Variants in KDM7A observed in about 807,000 individuals in gnomAD.
KDM7A encodes lysine demethylase 7A, also known as lysine-specific demethylase 7A.
A neutral mutation model predicts 114.8 loss-of-function variants in KDM7A; 28 were observed. The ratio of observed to expected loss-of-function variants is 0.24; its 90% CI spans 0.18 to 0.33. KDM7A has a LOEUF of 0.33. Among genes scored for constraint, KDM7A ranks in the 10% least tolerant of loss-of-function variants. KDM7A has a pLI of 1.00. For missense variants in KDM7A, 942 were observed against 1,142.5 expected (o/e 0.82, Z 2.53); for synonymous variants, 423 against 397.8 (o/e 1.06, Z -0.75).
At chr7:140,171,180 T>A (rs1794634352) in intron 1 of KDM7A, among the ~76,000 whole-genome samples, 1 of 151,732 alleles carries the variant, frequency 6.6e-6, no homozygotes, top group Non-Finnish European at 1.5e-5. Context: ...ATAAAGAATA[T>A]GGCCGGGCGT....
chr7:140,116,753 A>C (rs1234319863), intron 9 of KDM7A, among the ~76,000 whole-genome samples: 1 of 152,158 alleles, frequency 6.6e-6, no homozygotes, highest in Non-Finnish European at 1.5e-5. Context: ...TTTTAATCAA[A>C]TTGTGATAAT....
Position 140,090,698 on chromosome 7 carries a change from CAAATA to C in KDM7A, c.*391_*395del. 6.1e-6 allele frequency: 1 copy of C among 163,986 alleles called. No homozygotes were observed. The highest frequency in any genetic ancestry group is 1.3e-5 in the Non-Finnish European group (1 of 76,144). 10.2% of individuals were successfully genotyped at this position (163,986 alleles called of 1,614,324 possible). Reference sequence around the variant, plus strand: ...GTGAGATATTTCTCCAGAAATCTTCCAAATAAATAGCTTTAAAAAAAGAATTTAAA... The same window carrying C: ...GTGAGATATTTCTCCAGAAATCTTCCAATAGCTTTAAAAAAAGAATTTAAA... On this transcript the variant is annotated 3_prime_UTR_variant, in exon 20 of 20. Transcript: ENST00000397560.
chr7:140,135,951 T>C (rs1373768339), intron 2 of KDM7A, among the ~76,000 whole-genome samples: 7 of 151,246 alleles, frequency 4.6e-5, no homozygotes, highest in Non-Finnish European at 2.9e-5. Context: ...AGTATGATAT[T>C]GCATTTTTAA....
rs748900530 is a variant in KDM7A at position 140,096,515 on chromosome 7, A to G, written c.2374+40T>C. The G allele has an allele frequency of 8.1e-6, 12 of 1,476,166 alleles. No individual in the cohort carries two copies. The Admixed American group carries it at 1.2e-4, about 14-fold the overall frequency. 91.4% of individuals were successfully genotyped at this position (1,476,166 alleles called of 1,614,324 possible). On this transcript the variant is annotated intron_variant, in intron 17 of 19. Transcript: ENST00000397560. ...TTATTGAGCCATTAAGTTGGGCAAC[A>G]TATGTTACTTTTTAGAGACTGATAA...
Position 140,090,937 on chromosome 7 carries a change from G to C in KDM7A, c.*157C>G. The C allele has an allele frequency of 1.6e-6, 1 of 622,002 alleles. No individual in the cohort carries two copies. Among genetic ancestry groups the C allele is most frequent in the South Asian group, 1.9e-5 (1 of 51,350 alleles). 38.5% of individuals were successfully genotyped at this position (622,002 alleles called of 1,614,324 possible). A position where few individuals can be genotyped will look rare whatever the true frequency, so the allele number is the denominator to read the frequency against. Reference sequence around the variant, plus strand: ...AAAATGGTTATTGCTGAGTGGGTGTGGCACAGTGAAAATGCAGCATCAGGT... The same window carrying C: ...AAAATGGTTATTGCTGAGTGGGTGTCGCACAGTGAAAATGCAGCATCAGGT... On this transcript the variant is annotated 3_prime_UTR_variant, in exon 20 of 20. Coordinates refer to ENST00000397560, the MANE Select transcript of KDM7A (RefSeq NM_030647.2).
intron 1 of KDM7A, among the ~76,000 whole-genome samples, chr7:140,170,015 A>G (rs1468094087): frequency 1.3e-5 from 2 of 152,224 alleles, no homozygotes; most frequent in African/African-American, 4.8e-5. Context: ...AATGAAATTG[A>G]GAAGTTCAAT....
chr7:140,105,564 G>A (rs113218471), intron 11 of KDM7A, among the ~76,000 whole-genome samples: 31 of 152,220 alleles, frequency 2.0e-4, no homozygotes, highest in African/African-American at 7.2e-4. Context: ...TTTTGTCTTC[G>A]GTTCTGTTTA....
chr7:140,105,648 G>A lies in KDM7A; in HGVS notation c.1429-3488C>T, dbSNP rs972394516. 5.3e-5 allele frequency among the ~76,000 whole-genome samples: 8 copies of A among 152,154 alleles called. No homozygotes were observed. The South Asian group carries it at 1.7e-3, about 32-fold the overall frequency. On this transcript the variant is annotated intron_variant, in intron 11 of 19. Coordinates refer to ENST00000397560, the MANE Select transcript of KDM7A (RefSeq NM_030647.2). ...TCCCAGGGATGAAGCTGACTTGATC[G>A]TGGTGGATAAGCTTTTTGATGTGCT...
intron 9 of KDM7A, among the ~76,000 whole-genome samples, chr7:140,115,434 T>C (rs1016183361): frequency 6.6e-6 from 1 of 152,206 alleles, no homozygotes; most frequent in African/African-American, 2.4e-5. Context: ...GGAGACTCCA[T>C]TTTGTTCTGT....
At chr7:140,158,634 A>C (rs80074107) in intron 1 of KDM7A, among the ~76,000 whole-genome samples, 10,550 of 152,250 alleles carry the variant, frequency 0.069, 417 homozygotes, top group Non-Finnish European at 0.09. Flanking sequence ...CAGGGGAGAG[A>C]GCTACGAAAG....
At chr7:140,165,168 C>G (rs1794560340) in intron 1 of KDM7A, among the ~76,000 whole-genome samples, 1 of 152,132 alleles carries the variant, frequency 6.6e-6, no homozygotes, top group African/African-American at 2.4e-5. Context: ...TGGGGAAATG[C>G]CTGGATCATT....
Position 140,095,774 on chromosome 7 carries a change from G to A in KDM7A, c.2374+781C>T, listed in dbSNP as rs539897593. 7.2e-5 allele frequency: 12 copies of A among 165,750 alleles called. No individual in the cohort carries two copies. The South Asian group carries it at 1.1e-3, about 16-fold the overall frequency. 10.3% of individuals were successfully genotyped at this position (165,750 alleles called of 1,614,324 possible). A position where few individuals can be genotyped will look rare whatever the true frequency, so the allele number is the denominator to read the frequency against. ...TGCATCTATAGTTCCAGCTACTTGG[G>A]AGGCTGAGACAGGAAGATTGCTTGA... is the stretch of plus-strand genomic sequence containing the variant. On this transcript the variant is annotated intron_variant, in intron 17 of 19. Transcript: ENST00000397560.
chr7:140,141,772 T>C (rs924992324), intron 1 of KDM7A, among the ~76,000 whole-genome samples: 1 of 151,472 alleles, frequency 6.6e-6, no homozygotes, highest in Non-Finnish European at 1.5e-5. Context: ...CGCATATCTG[T>C]AATCCCAGCT....
At chr7:140,149,095 C>G (rs1033512090) in intron 1 of KDM7A, among the ~76,000 whole-genome samples, 8 of 152,048 alleles carry the variant, frequency 5.3e-5, no homozygotes, top group African/African-American at 1.9e-4. Context: ...TTAAAAGAAT[C>G]TATGATAATA....
At chr7:140,128,719 G>C (rs750158638) in intron 4 of KDM7A, among the ~76,000 whole-genome samples, 5 of 152,238 alleles carry the variant, frequency 3.3e-5, no homozygotes, top group Admixed American at 3.3e-4. Context: ...CAAGTTCTCA[G>C]ATATTCCATG....
chr7:140,092,570 T>C (rs1304224154), intron 18 of KDM7A, among the ~76,000 whole-genome samples: 1 of 152,168 alleles, frequency 6.6e-6, no homozygotes, highest in Admixed American at 6.5e-5. Context: ...AACTACTCTT[T>C]CAGTCTCTTA....
At chr7:140,100,720 A>ATG (rs1818204934) in intron 12 of KDM7A, among the ~76,000 whole-genome samples, 1 of 38,432 alleles carries the variant, frequency 2.6e-5, no homozygotes, top group Non-Finnish European at 5.7e-5. Context: ...ACATATATAT[A>ATG]TATATATATA....
intron 6 of KDM7A, among the ~76,000 whole-genome samples, chr7:140,126,249 A>G (rs1818699058): frequency 6.6e-6 from 1 of 152,136 alleles, no homozygotes. Context: ...GACTTATCCA[A>G]CAAGCTATCC....
At chr7:140,101,355 T>C (rs1447843146) in intron 12 of KDM7A, among the ~76,000 whole-genome samples, 1 of 152,216 alleles carries the variant, frequency 6.6e-6, no homozygotes, top group African/African-American at 2.4e-5. Context: ...GGCTGACTGC[T>C]GGCTCAAGTA....
Sources: allele counts gnomAD v4.1 joint callset (sites outside exome capture counted in the v4.1 genomes callset), GRCh38; gene constraint gnomAD v4.1.1; transcripts MANE v1.5; gene names NCBI Gene and HGNC (gene_info 2026-07-23, HGNC 2026-07-21).